Variants in EPHA10 observed in about 807,000 individuals in gnomAD.
EPHA10 encodes EPH receptor A10, also known as ephrin type-A receptor 10.
A neutral mutation model predicts 109.7 loss-of-function variants in EPHA10; 120 were observed. That is an observed-to-expected ratio of 1.09 (90% confidence interval 0.94 to 1.27). The LOEUF is 1.27. EPHA10 is among the 50% of genes most tolerant of loss of function. The probability of loss-of-function intolerance (pLI) is 0.00; values close to 1 mark genes in which losing one functional copy is unlikely to be tolerated. For missense variants in EPHA10, 1,396 were observed against 1,411.1 expected, an observed-to-expected ratio of 0.99 and a Z score of 0.17; for synonymous variants, 640 against 618.9, an observed-to-expected ratio of 1.03 and a Z score of -0.51.
chr1:37,728,862 A>C (rs1645936513), intron 7 of EPHA10, among the ~76,000 whole-genome samples: 1 of 152,190 alleles, frequency 6.6e-6, no homozygotes, highest in South Asian at 2.1e-4. Flanking sequence ...TAGAGTTGCC[A>C]AGAACTGTTT....
rs765204480 is a variant in EPHA10 at position 37,719,908 on chromosome 1, C to G, written c.2562+1G>C. On this transcript the variant is annotated splice_donor_variant, in intron 14 of 16. Transcript: ENST00000373048. LOFTEE classifies it high-confidence loss of function. ...TGCAGCTGGAGCCACGGGTTACTCA[C>G]GTCTTGGCCAGACATGTCCCAGTAA... The G allele has an allele frequency of 2.5e-6, 4 of 1,613,856 alleles. No individual in the cohort carries two copies. The highest frequency in any genetic ancestry group is 2.5e-6 in the Non-Finnish European group (3 of 1,180,038).
chr1:37,757,661 GTCTCTTTCTCTCTCTC>G (rs1478399996), intron 3 of EPHA10, among the ~76,000 whole-genome samples: 1 of 152,070 alleles, frequency 6.6e-6, no homozygotes, highest in African/African-American at 2.4e-5. Context: ...GGGTTCCTGA[GTCTCTTTCTCTCTCTC>G]TCTCTTTCTC....
rs1319134679 is a variant in EPHA10, at chr1:37,734,450, C to T, written c.1491+807G>A. On this transcript the variant is annotated intron_variant, in intron 6 of 16. Coordinates refer to ENST00000373048, the MANE Select transcript of EPHA10 (RefSeq NM_001099439.2). The stretch of plus-strand genomic sequence containing the variant: ...TTGGGAGGCTGAAGCAGGAGAATCA[C>T]TTGAACCTGGGAGACGGAGGTTGCA... 4 of 343,008 alleles carry T rather than the reference C, an allele frequency of 1.2e-5. No homozygotes were observed. The East Asian group carries it at 2.4e-4, about 21-fold the overall frequency. 21.2% of individuals were successfully genotyped at this position (343,008 alleles called of 1,614,324 possible).
chr1:37,750,712 T>C (rs1036815166), intron 5 of EPHA10, among the ~76,000 whole-genome samples: 3 of 152,008 alleles, frequency 2.0e-5, no homozygotes, highest in Admixed American at 1.3e-4. Flanking sequence ...CCTGAGCACC[T>C]GGTACTACAG....
chr1:37,714,159 T>C (rs563415312), downstream of EPHA10: 3 of 152,230 alleles, frequency 2.0e-5, no homozygotes, highest in Non-Finnish European at 4.4e-5. Flanking sequence ...AGGGGTCTTA[T>C]TTATCACCAT....
intron 5 of EPHA10, among the ~76,000 whole-genome samples, chr1:37,739,713 G>C (rs560913763): frequency 2.8e-5 from 4 of 141,014 alleles, no homozygotes; most frequent in African/African-American, 7.8e-5. Context: ...AAAAAAAAAG[G>C]AAGTAGAATG....
chr1:37,761,504 G>A lies in EPHA10; in HGVS notation c.751C>T (p.Pro251Ser). The change falls in exon 3 of 17, where the codon CCC (proline) becomes TCC (serine). Residue 251 changes from proline (P) to serine (S), a missense_variant. Physicochemically the swap from Pro to Ser is moderately conservative, Grantham distance 74 (BLOSUM62 -1). Coordinates refer to ENST00000373048, the MANE Select transcript of EPHA10 (RefSeq NM_001099439.2). ...TCGGCGCCGCAGTGCATGCGTGGGG[G>A]GCTGCCAGGCTCCCCTTCCGAGTGC... ...VAHSEGEPGS[P>S]PRMHCGADGE... The A allele has an allele frequency of 6.3e-6, 10 of 1,599,614 alleles. No individual in the cohort carries two copies. The highest frequency in any genetic ancestry group is 8.5e-6 in the Non-Finnish European group (10 of 1,178,480).
At chr1:37,758,196 A>G (rs1319226829) in intron 3 of EPHA10, among the ~76,000 whole-genome samples, 1 of 152,224 alleles carries the variant, frequency 6.6e-6, no homozygotes, top group Non-Finnish European at 1.5e-5. Context: ...TGCATCAGCA[A>G]TTCTAGCCCA....
At chr1:37,755,924 A>G (rs1468839022) in intron 3 of EPHA10, among the ~76,000 whole-genome samples, 1 of 152,084 alleles carries the variant, frequency 6.6e-6, no homozygotes, top group Non-Finnish European at 1.5e-5. Flanking sequence ...ACGCAGTACA[A>G]CAGAAAGGGT....
At chr1:37,715,724 A>T, downstream of EPHA10, 1 of 337,802 alleles carries the variant, frequency 3.0e-6, no homozygotes, top group South Asian at 2.5e-5. Context: ...CCCTGGTTCT[A>T]CTGCTCCTGA....
Position 37,764,866 on chromosome 1 carries a change from A to T in EPHA10, c.106+95T>A. 2 of 1,095,582 alleles carry T rather than the reference A, an allele frequency of 1.8e-6. No homozygotes were observed. The highest frequency in any genetic ancestry group is 1.6e-5 in the African/African-American group (1 of 63,984). 67.9% of individuals were successfully genotyped at this position (1,095,582 alleles called of 1,614,324 possible). On this transcript the variant is annotated intron_variant, in intron 1 of 16. Transcript: ENST00000373048. The surrounding 1 kb of genome is among the most constrained non-coding windows in gnomAD (Gnocchi z 5.8). Reference sequence around the variant, plus strand: ...TGCTTCAAGCCCCAATACAGACTCTAGTCTCTCCAATGACTCCTTCCCCCA... The same window carrying T: ...TGCTTCAAGCCCCAATACAGACTCTTGTCTCTCCAATGACTCCTTCCCCCA...
intron 3 of EPHA10, chr1:37,760,759 T>G: frequency 5.1e-6 from 1 of 194,644 alleles, no homozygotes; most frequent in Non-Finnish European, 1.1e-5. Flanking sequence ...TCTGAGGCTC[T>G]GTTTCTTCAT....
In EPHA10 at chr1:37,719,480, T is replaced by C; in HGVS notation, c.2690A>G (p.His897Arg). 1 of 1,613,968 alleles carries C rather than the reference T, an allele frequency of 6.2e-7. No homozygotes were observed. The highest frequency in any genetic ancestry group is 8.5e-7 in the Non-Finnish European group (1 of 1,179,988). Reference protein sequence around the residue: ...PGERPRFSQIHSILSKMVQDP... With the variant: ...PGERPRFSQIRSILSKMVQDP... The stretch of plus-strand genomic sequence containing the variant: ...CTGCACCATCTTGCTCAGGATGCTG[T>C]GGATCTGGGAGAACCTGGGCCGCTC... Residue 897 changes from histidine to arginine, a missense_variant, in exon 15 of 17, where the codon CAC (histidine) becomes CGC (arginine). His to Arg is a conservative substitution (Grantham distance 29). Transcript: ENST00000373048.
At chr1:37,755,658 A>G (rs549994532) in intron 3 of EPHA10, among the ~76,000 whole-genome samples, 35 of 152,250 alleles carry the variant, frequency 2.3e-4, no homozygotes, top group African/African-American at 8.4e-4. Context: ...CCTACCTCAA[A>G]AAGGTTGTTG....
At chr1:37,727,305 C>T in intron 7 of EPHA10, 95 bp from the exon 8 acceptor site, 1 of 993,336 alleles carries the variant, frequency 1.0e-6, no homozygotes, top group Non-Finnish European at 1.4e-6. Flanking sequence ...AGCAGGATTC[C>T]CATAGCACCT....
In EPHA10 at chr1:37,720,491, T is replaced by C. The variant is rs1304802230; in HGVS notation, c.2272A>G (p.Met758Val). 6.8e-6 allele frequency: 11 copies of C among 1,613,282 alleles called. No homozygotes were observed. Among genetic ancestry groups the C allele is most frequent in the Non-Finnish European group, 9.3e-6 (11 of 1,179,978 alleles). Reference protein sequence around the residue: ...MGLLPGLASAMKYLSEMGYVH... With the variant: ...MGLLPGLASAVKYLSEMGYVH... ...TAGCCCATCTCTGACAGATACTTCA[T>C]GGCTGATGCCAGCCCAGGCAGCAAC... The change falls in exon 13 of 17, where the codon ATG (methionine) becomes GTG (valine). Residue 758 changes from methionine (M) to valine (V), a missense_variant. Transcript: ENST00000373048.
Position 37,717,954 on chromosome 1 carries a change from A to G in EPHA10, c.*418T>C. On this transcript the variant is annotated 3_prime_UTR_variant, in exon 17 of 17. Transcript: ENST00000373048. ...ACCCCCCCAGGACCCACGCTGTCTG[A>G]CTGGTCAATGGGTCTGTGGGAAAAG... 4.0e-6 allele frequency: 1 copy of G among 251,904 alleles called. No homozygotes were observed. The highest frequency in any genetic ancestry group is 5.9e-5 in the East Asian group (1 of 16,960). The allele number at this position is 251,904 out of a possible 1,614,324, so 15.6% of individuals were successfully genotyped here.
At chr1:37,762,150 A>G in intron 2 of EPHA10, 67 bp from the exon 3 acceptor site, 2 of 1,444,442 alleles carry the variant, frequency 1.4e-6, no homozygotes, top group Non-Finnish European at 1.9e-6. Flanking sequence ...GAGCGCTAGC[A>G]GTGACTCCTG....
rs1490750095 is a variant in EPHA10, at chr1:37,717,173, C to T, written c.*1199G>A. 8.6e-6 allele frequency: 2 copies of T among 232,788 alleles called. No individual in the cohort carries two copies. The highest frequency in any genetic ancestry group is 1.7e-5 in the Non-Finnish European group (2 of 117,826). The allele number at this position is 232,788 out of a possible 1,614,324, so 14.4% of individuals were successfully genotyped here. ...CTGGCATACTGGGCCCCACCATTCC[C>T]GGGGGCCCTTGTGGATAAGGAACTC... On this transcript the variant is annotated 3_prime_UTR_variant, in exon 17 of 17. Coordinates refer to ENST00000373048, the MANE Select transcript of EPHA10 (RefSeq NM_001099439.2).
Sources: allele counts gnomAD v4.1 joint callset (sites outside exome capture counted in the v4.1 genomes callset), GRCh38; gene constraint gnomAD v4.1.1; non-coding constraint Gnocchi (gnomAD v3.1); transcripts MANE v1.5; gene names NCBI Gene and HGNC (gene_info 2026-07-23, HGNC 2026-07-21).